Variants in RBFOX1 observed in about 807,000 individuals in gnomAD.
The protein encoded by RBFOX1 is RNA binding fox-1 homolog 1.
Under a neutral mutation model 57.7 loss-of-function variants are expected in RBFOX1, and 8 were observed. The ratio of observed to expected loss-of-function variants is 0.14; its 90% CI spans 0.08 to 0.25. RBFOX1 has a LOEUF of 0.25. Ranked by LOEUF, RBFOX1 falls within the 10% of genes least tolerant of loss-of-function variation. The probability of loss-of-function intolerance (pLI) is 1.00; values close to 1 mark genes in which losing one functional copy is unlikely to be tolerated. For missense variants in RBFOX1, 611 were observed against 548.5 expected (o/e 1.11, Z -1.14); for synonymous variants, 326 against 222.4 (o/e 1.47, Z -4.15).
At chr16:5,712,962 C>G (rs1341469816) in intron 3 of RBFOX1, among the ~76,000 whole-genome samples, 2 of 117,740 alleles carry the variant, frequency 1.7e-5, no homozygotes, top group African/African-American at 5.8e-5. Context: ...CATGATTGGT[C>G]TCTGAGGACA....
chr16:6,087,005 T>C (rs73523886), intron 1 of RBFOX1, among the ~76,000 whole-genome samples: 5,756 of 152,222 alleles, frequency 0.038, 386 homozygotes, highest in African/African-American at 0.13. Flanking sequence ...GGAACCCTTC[T>C]CACAATGGGT....
chr16:6,544,483 A>G (rs1306935120), intron 2 of RBFOX1, among the ~76,000 whole-genome samples: 1 of 152,138 alleles, frequency 6.6e-6, no homozygotes, highest in South Asian at 2.1e-4. Flanking sequence ...GTTTTGTAGG[A>G]TCTCATAGGA....
chr16:7,386,559 G>GT (rs201462625), intron 4 of RBFOX1, among the ~76,000 whole-genome samples: 2,879 of 152,078 alleles, frequency 0.019, 101 homozygotes, highest in African/African-American at 0.065. Context: ...ATGATCTCAT[G>GT]TTTTTTTATG....
Position 6,797,982 on chromosome 16 carries a change from G to C in RBFOX1, c.-16+143332G>C, listed in dbSNP as rs142868358. On this transcript the variant is annotated intron_variant, in intron 3 of 15. Coordinates refer to ENST00000550418, the MANE Select transcript of RBFOX1 (RefSeq NM_018723.4). ...GGTGATCACGGTGATGGTGATAGCG[G>C]TGATGGTGATGATGGGAATAGGGAT... is the stretch of plus-strand genomic sequence containing the variant. 2.0e-3 allele frequency among the ~76,000 whole-genome samples: 309 copies of C among 152,196 alleles called. 2 individuals are homozygous for C. Among genetic ancestry groups the C allele is most frequent in the African/African-American group, 6.7e-3 (278 of 41,504 alleles).
chr16:6,014,112 TAAA>T (rs1224700759), upstream of RBFOX1, among the ~76,000 whole-genome samples: 1 of 151,924 alleles, frequency 6.6e-6, no homozygotes, highest in Non-Finnish European at 1.5e-5. Flanking sequence ...TAAAGTATAA[TAAA>T]AAAATTAAAA....
intron 3 of RBFOX1, among the ~76,000 whole-genome samples, chr16:5,801,532 C>A (rs1567559441): frequency 6.6e-6 from 1 of 152,128 alleles, no homozygotes; most frequent in Non-Finnish European, 1.5e-5. Context: ...TGTCTCGACA[C>A]AGGCGCGGGA....
intron 2 of RBFOX1, among the ~76,000 whole-genome samples, chr16:6,450,841 A>ATATATATG (rs2094599470): frequency 4.9e-5 from 2 of 40,554 alleles, no homozygotes; most frequent in African/African-American, 2.7e-4. Context: ...ATATATGTGT[A>ATATATATG]TATATATATA....
intron 4 of RBFOX1, among the ~76,000 whole-genome samples, chr16:7,463,729 G>A (rs2150630853): frequency 6.6e-6 from 1 of 152,186 alleles, no homozygotes; most frequent in African/African-American, 2.4e-5. Context: ...TATTTGGGGG[G>A]CCGTTCTGCC....
At chr16:6,339,732 G>A (rs2084266953) in intron 2 of RBFOX1, among the ~76,000 whole-genome samples, 2 of 152,036 alleles carry the variant, frequency 1.3e-5, no homozygotes, top group South Asian at 4.2e-4. Context: ...GTGCAGTGGT[G>A]TGATCTTGAC....
chr16:5,703,041 T>G (rs2051108025), intron 3 of RBFOX1, among the ~76,000 whole-genome samples: 1 of 152,238 alleles, frequency 6.6e-6, no homozygotes, highest in Non-Finnish European at 1.5e-5. Context: ...TTACTAAATA[T>G]GTCCTGTGTG....
chr16:6,650,118 G>C (rs192796020), intron 2 of RBFOX1, among the ~76,000 whole-genome samples: 1 of 152,202 alleles, frequency 6.6e-6, no homozygotes, highest in East Asian at 1.9e-4. Flanking sequence ...CAGTAGATCT[G>C]TTTTTAATTT....
chr16:6,830,712 A>G (rs139766107), intron 3 of RBFOX1, among the ~76,000 whole-genome samples: 51 of 152,310 alleles, frequency 3.3e-4, no homozygotes, highest in African/African-American at 1.2e-3. Context: ...ACGTTGCTCT[A>G]TCATGGTTAA....
At chr16:7,585,974 C>T (rs1298878933) in intron 6 of RBFOX1, among the ~76,000 whole-genome samples, 1 of 152,068 alleles carries the variant, frequency 6.6e-6, no homozygotes, top group Non-Finnish European at 1.5e-5. Context: ...TAATGCTCTC[C>T]ACTCAAGGGA....
At chr16:6,887,454 T>C (rs2153364147) in intron 3 of RBFOX1, among the ~76,000 whole-genome samples, 1 of 152,312 alleles carries the variant, frequency 6.6e-6, no homozygotes. Context: ...ATGATCATTT[T>C]CTAAACTTCG....
chr16:5,461,636 C>T (rs1311111707), intron 1 of RBFOX1, among the ~76,000 whole-genome samples: 2 of 152,146 alleles, frequency 1.3e-5, no homozygotes, highest in African/African-American at 2.4e-5. Context: ...GGATTCAAGC[C>T]CGAGCCTTGT....
At chr16:7,277,919 A>G (rs1050746694) in intron 4 of RBFOX1, among the ~76,000 whole-genome samples, 29 of 151,260 alleles carry the variant, frequency 1.9e-4, no homozygotes, top group African/African-American at 6.8e-4. Flanking sequence ...GAAAAAGGGT[A>G]TGAAAGTCTA....
chr16:5,885,563 G>C lies in RBFOX1; in HGVS notation c.351+18228G>C, dbSNP rs2057877895. 2.6e-5 allele frequency among the ~76,000 whole-genome samples: 4 copies of C among 152,106 alleles called. No individual in the cohort carries two copies. In the South Asian group the frequency reaches 8.3e-4, roughly 31 times the overall value. On this transcript the variant is annotated intron_variant, in intron 4 of 19. Transcript: ENST00000641259. ...TCTCCTTTCCTTCCTCAAAGTGATGGGTAAGAGTGTTTGGGACAGGGCTAA... is the reference window on the plus strand; with the variant it reads ...TCTCCTTTCCTTCCTCAAAGTGATGCGTAAGAGTGTTTGGGACAGGGCTAA...
At chr16:5,537,378 T>C (rs1052151513) in intron 2 of RBFOX1, among the ~76,000 whole-genome samples, 2 of 152,246 alleles carry the variant, frequency 1.3e-5, no homozygotes, top group Non-Finnish European at 2.9e-5. Flanking sequence ...ATTGCTGCTG[T>C]GTCAAACTAC....
At chr16:6,124,609 C>G (rs2096575578) in intron 1 of RBFOX1, among the ~76,000 whole-genome samples, 1 of 152,070 alleles carries the variant, frequency 6.6e-6, no homozygotes. Flanking sequence ...TTCAAGCAAT[C>G]CTCCCACTTC....
Sources: gnomAD v4.1 joint callset for allele counts (sites outside exome capture counted in the v4.1 genomes callset) on GRCh38, gnomAD v4.1.1 for gene constraint, MANE v1.5 for transcripts, NCBI Gene and HGNC (gene_info 2026-07-23, HGNC 2026-07-21) for gene names.